The following PCDHGA4 variants were observed in gnomAD, a reference collection of about 807,000 sequenced individuals.
PCDHGA4 encodes protocadherin gamma subfamily A, 4.
A neutral mutation model predicts 54.6 loss-of-function variants in PCDHGA4; 38 were observed. The observed-to-expected ratio is 0.70, with a 90% CI of 0.54 to 0.91. The LOEUF (loss-of-function observed/expected upper bound fraction) is 0.91, where lower values mean the gene tolerates loss of function less well. Among genes scored for constraint, PCDHGA4 ranks in the 40% least tolerant of loss-of-function variants. PCDHGA4 has a pLI of 0.00. For synonymous variants in PCDHGA4, 511 were observed against 512.9 expected, an observed-to-expected ratio of 1.00 and a Z score of 0.05; for missense variants, 1,298 against 1,220.9, an observed-to-expected ratio of 1.06 and a Z score of -0.94.
At chr5:141,374,137 G>A in intron 1 of PCDHGA4, 1 of 1,606,330 alleles carries the variant, frequency 6.2e-7, no homozygotes. Context: ...TGCTCCTCAC[G>A]CTCCTGGGGA....
In PCDHGA4 at chr5:141,486,563, G is replaced by A. The variant is rs558244990; in HGVS notation, c.2515-8244G>A. The A allele has an allele frequency of 1.2e-6, 2 of 1,614,006 alleles. No homozygotes were observed. The highest frequency in any genetic ancestry group is 1.7e-6 in the Non-Finnish European group (2 of 1,180,036). On this transcript the variant is annotated intron_variant, in intron 1 of 3. Coordinates refer to ENST00000571252, the MANE Select transcript of PCDHGA4 (RefSeq NM_018917.4). The surrounding 1 kb of genome is among the most constrained non-coding windows in gnomAD (Gnocchi z 5.0). ...CTTTCAGAGGTCACATGAGGTGTTTGTTCCTGAGAACAATCGCCCAGGGGA... is the reference window on the plus strand; with the variant it reads ...CTTTCAGAGGTCACATGAGGTGTTTATTCCTGAGAACAATCGCCCAGGGGA...
At position 141,384,265 on chromosome 5, in the gene PCDHGA4, T is replaced by C. The variant is rs553615154; in HGVS notation, c.2514+26644T>C. 81 of 1,613,814 alleles carry C rather than the reference T, an allele frequency of 5.0e-5. No individual in the cohort carries two copies. In the South Asian group the frequency reaches 7.4e-4, roughly 15 times the overall value. Reference sequence around the variant, plus strand: ...TAACCCACCCACCTTCCCCCACTCATCCTACTCAGTCTACATCGCTGAGAA... The same window carrying C: ...TAACCCACCCACCTTCCCCCACTCACCCTACTCAGTCTACATCGCTGAGAA... On this transcript the variant is annotated intron_variant, in intron 1 of 3. Coordinates refer to ENST00000571252, the MANE Select transcript of PCDHGA4 (RefSeq NM_018917.4).
chr5:141,413,117 C>A, intron 1 of PCDHGA4: 1 of 1,509,120 alleles, frequency 6.6e-7, no homozygotes, highest in Non-Finnish European at 8.9e-7. Context: ...ACAAAGGAAC[C>A]GGTTGAAACA....
At chr5:141,409,687 C>A (rs1190888512) in intron 1 of PCDHGA4, 2 of 1,613,202 alleles carry the variant, frequency 1.2e-6, no homozygotes, top group East Asian at 4.5e-5. Context: ...TGGCGAGTGA[C>A]CTAGAGCCCC....
At chr5:141,389,088 T>G (rs774714581) in intron 1 of PCDHGA4, 2 of 1,613,894 alleles carry the variant, frequency 1.2e-6, no homozygotes, top group Non-Finnish European at 1.7e-6. Context: ...CACGTATAAA[T>G]TAGTGACAGA....
rs549047197 is a variant in PCDHGA4, at chr5:141,502,866, C to CTTTTTTTTTTTTTTT, written c.2574-2513_2574-2512insTTTTTTTTTTTTTTT. Reference sequence around the variant, plus strand: ...GAGCTGCCTAACCCTGACTCTCTGTCTTTTTTTTTTTTTTGACAGGGAGTC... The same window carrying CTTTTTTTTTTTTTTT: ...GAGCTGCCTAACCCTGACTCTCTGTCTTTTTTTTTTTTTTTTTTTTTTTTTTTTTGACAGGGAGTC... On this transcript the variant is annotated intron_variant, in intron 2 of 3. Coordinates refer to ENST00000571252, the MANE Select transcript of PCDHGA4 (RefSeq NM_018917.4). 1.1e-4 allele frequency among the ~76,000 whole-genome samples: 14 copies of CTTTTTTTTTTTTTTT among 128,026 alleles called. 3 individuals are homozygous for CTTTTTTTTTTTTTTT. Among genetic ancestry groups the CTTTTTTTTTTTTTTT allele is most frequent in the Admixed American group, 1.7e-4 (2 of 11,664 alleles). The allele number at this position is 128,026 out of a possible 152,430, so 84.0% of individuals were successfully genotyped here.
Position 141,487,810 on chromosome 5 carries a change from C to T in PCDHGA4, c.2515-6997C>T. 7.1e-7 allele frequency: 1 copy of T among 1,417,854 alleles called. No homozygotes were observed. 87.8% of individuals were successfully genotyped at this position (1,417,854 alleles called of 1,614,324 possible). ...ATTAACCAGAGTTGTCACAGTTTAG[C>T]ATTGGGGGCGGGTCATGCCTATATC... is the stretch of plus-strand genomic sequence containing the variant. On this transcript the variant is annotated intron_variant, in intron 1 of 3. Coordinates refer to ENST00000571252, the MANE Select transcript of PCDHGA4 (RefSeq NM_018917.4). This position sits in a 1 kb window ranked among gnomAD's most constrained non-coding sequence, Gnocchi z 5.0.
At chr5:141,423,885 A>G in intron 1 of PCDHGA4, 6 of 1,277,816 alleles carry the variant, frequency 4.7e-6, no homozygotes, top group Non-Finnish European at 5.9e-6. Flanking sequence ...ATCTTGGCAT[A>G]TTTTCTTTTG....
intron 1 of PCDHGA4, chr5:141,384,835 G>T: frequency 1.2e-6 from 2 of 1,613,468 alleles, no homozygotes; most frequent in Middle Eastern, 1.7e-4. Flanking sequence ...CGTGGTGGCC[G>T]TCCAGGACCA....
intron 1 of PCDHGA4, among the ~76,000 whole-genome samples, chr5:141,381,181 G>A (rs1777044636): frequency 6.6e-6 from 1 of 152,230 alleles, no homozygotes; most frequent in African/African-American, 2.4e-5. Flanking sequence ...ACAAAACGAA[G>A]TTAAGCTTTC....
chr5:141,488,131 G>A (rs2099672034), intron 1 of PCDHGA4, among the ~76,000 whole-genome samples: 1 of 152,202 alleles, frequency 6.6e-6, no homozygotes, highest in Non-Finnish European at 1.5e-5. Context: ...GCAGAAAGAG[G>A]AGAGAACTAA....
rs571984924 is a variant in PCDHGA4 at position 141,383,845 on chromosome 5, G to T, written c.2514+26224G>T. ...AGATTATGAAGAAACTGCCTTCTAT[G>T]AAATGGAGGTTCAGGCTCAAGATGG... On this transcript the variant is annotated intron_variant, in intron 1 of 3. Coordinates refer to ENST00000571252, the MANE Select transcript of PCDHGA4 (RefSeq NM_018917.4). The T allele has an allele frequency of 1.6e-4, 259 of 1,613,938 alleles. 1 individual carries two copies. The South Asian group carries it at 2.6e-3, about 16-fold the overall frequency.
At chr5:141,480,781 G>A (rs2099525581) in intron 1 of PCDHGA4, among the ~76,000 whole-genome samples, 1 of 152,174 alleles carries the variant, frequency 6.6e-6, no homozygotes, top group Admixed American at 6.5e-5. Flanking sequence ...CTAATGTGCA[G>A]ACAAATTTGA....
chr5:141,499,322 T>C (rs1186220818), intron 2 of PCDHGA4, among the ~76,000 whole-genome samples: 1 of 152,218 alleles, frequency 6.6e-6, no homozygotes, highest in Non-Finnish European at 1.5e-5. Context: ...ACAGTATCCC[T>C]GCTCTCTCTC....
chr5:141,384,405 C>T (rs1780049839), intron 1 of PCDHGA4: 2 of 1,613,882 alleles, frequency 1.2e-6, no homozygotes, highest in Non-Finnish European at 8.5e-7. Flanking sequence ...CTCCAGTGTC[C>T]TCCTATGTCT....
chr5:141,439,297 G>T (rs1252051365), intron 1 of PCDHGA4, among the ~76,000 whole-genome samples: 1 of 152,064 alleles, frequency 6.6e-6, no homozygotes, highest in African/African-American at 2.4e-5. Context: ...CATGGAAAAA[G>T]TAAAGCCCAG....
intron 3 of PCDHGA4, chr5:141,507,000 TGA>T (rs1235660361): frequency 1.3e-5 from 2 of 152,218 alleles, no homozygotes; most frequent in African/African-American, 4.8e-5. Flanking sequence ...ACTCGACAGA[TGA>T]GAGAACCGAG....
At chr5:141,374,437 C>T in intron 1 of PCDHGA4, 2 of 1,613,846 alleles carry the variant, frequency 1.2e-6, no homozygotes, top group Non-Finnish European at 1.7e-6. Context: ...ATCTTTATCC[C>T]GTGGAAGTGG....
intron 1 of PCDHGA4, chr5:141,423,313 G>T (rs1407028245): frequency 1.2e-6 from 2 of 1,614,184 alleles, no homozygotes; most frequent in Non-Finnish European, 1.7e-6. Context: ...GTACTTGGTG[G>T]TGGCGGTGGC....
Sources: gnomAD v4.1 joint callset for allele counts (sites outside exome capture counted in the v4.1 genomes callset) on GRCh38, gnomAD v4.1.1 for gene constraint, Gnocchi (gnomAD v3.1) non-coding constraint, MANE v1.5 for transcripts, NCBI Gene and HGNC (gene_info 2026-07-23, HGNC 2026-07-21) for gene names.